The following C12orf54 variants were observed in gnomAD, a reference collection of about 807,000 sequenced individuals.
C12orf54 encodes chromosome 12 open reading frame 54, also known as uncharacterized protein C12orf54.
In C12orf54, 24 loss-of-function variants were observed where a neutral mutation model predicts 26.4. That is an observed-to-expected ratio of 0.91 (90% CI 0.66 to 1.28). C12orf54 has a LOEUF of 1.28. Ranked by LOEUF, C12orf54 falls within the 50% of genes most tolerant of loss-of-function variation. C12orf54 has a pLI of 0.00. For missense variants in C12orf54, 154 were observed against 150.9 expected, an observed-to-expected ratio of 1.02 and a Z score of -0.11; for synonymous variants, 54 against 47.0, an observed-to-expected ratio of 1.15 and a Z score of -0.61.
At chr12:48,463,275 A>T in the C12orf54 span, among the ~76,000 whole-genome samples, 3 of 152,150 alleles carry the variant, frequency 2.0e-5, no homozygotes, top group East Asian at 5.8e-4. Flanking sequence ...ATAAATAACC[A>T]TCAGAGATTA....
the C12orf54 span, chr12:48,473,172 AAGG>A: frequency 1.6e-5 from 24 of 1,480,656 alleles, no homozygotes; most frequent in Non-Finnish European, 1.9e-5. Context: ...CCTGGATGAC[AAGG>A]AGGAGGATGA....
upstream of C12orf54, among the ~76,000 whole-genome samples, chr12:48,479,243 T>C (rs1954174575): frequency 6.6e-6 from 1 of 152,174 alleles, no homozygotes; most frequent in South Asian, 2.1e-4. Flanking sequence ...ACCATCATTC[T>C]CAGCAAACTA....
chr12:48,428,664 A>G, the C12orf54 span, among the ~76,000 whole-genome samples: 2 of 152,070 alleles, frequency 1.3e-5, no homozygotes, highest in African/African-American at 4.8e-5. Flanking sequence ...CAGTGAGATT[A>G]AAATGGCAAT....
At chr12:48,469,809 C>T in the C12orf54 span, among the ~76,000 whole-genome samples, 1 of 152,118 alleles carries the variant, frequency 6.6e-6, no homozygotes. Flanking sequence ...TGGTTTCAGC[C>T]AGTCCCTCTG....
At position 48,493,071 on chromosome 12, in the gene C12orf54, G is replaced by A. The variant is rs1937827185; in HGVS notation, c.242+76G>A. 3.0e-6 allele frequency: 4 copies of A among 1,354,470 alleles called. No individual in the cohort carries two copies. The East Asian group carries it at 9.2e-5, about 31-fold the overall frequency. 83.9% of individuals were successfully genotyped at this position (1,354,470 alleles called of 1,614,324 possible). A position where few individuals can be genotyped will look rare whatever the true frequency, so the allele number is the denominator to read the frequency against. On this transcript the variant is annotated intron_variant, in intron 7 of 8. Coordinates refer to ENST00000548364, the MANE Select transcript of C12orf54 (RefSeq NM_152319.4). ...TATGGGTGTGCTGGCCATGAATATA[G>A]CTAGCTCTGAGCCTTGAGCCTTCAG...
the C12orf54 span, among the ~76,000 whole-genome samples, chr12:48,423,443 T>C: frequency 6.6e-6 from 1 of 152,026 alleles, no homozygotes; most frequent in African/African-American, 2.4e-5. Context: ...GAAGATTAAG[T>C]ATAGGCAAAC....
the C12orf54 span, among the ~76,000 whole-genome samples, chr12:48,440,636 T>C: frequency 2.6e-5 from 4 of 152,190 alleles, no homozygotes; most frequent in Admixed American, 1.3e-4. Context: ...GAATCATCTC[T>C]GGTTATACAT....
At chr12:48,467,736 A>T in the C12orf54 span, among the ~76,000 whole-genome samples, 1 of 152,148 alleles carries the variant, frequency 6.6e-6, no homozygotes, top group Non-Finnish European at 1.5e-5. Flanking sequence ...GTTTCTGTTG[A>T]TAATTTCATG....
At chr12:48,491,820 A>G (rs773097185) in intron 6 of C12orf54, among the ~76,000 whole-genome samples, 9 of 152,190 alleles carry the variant, frequency 5.9e-5, no homozygotes, top group Non-Finnish European at 1.0e-4. Context: ...GGGGCTTTTC[A>G]AACTTTTGCT....
At chr12:48,434,336 G>A in the C12orf54 span, among the ~76,000 whole-genome samples, 1 of 152,206 alleles carries the variant, frequency 6.6e-6, no homozygotes, top group African/African-American at 2.4e-5. Flanking sequence ...ACCTCTGGGG[G>A]CAGGGCACAG....
chr12:48,426,035 G>C, the C12orf54 span, among the ~76,000 whole-genome samples: 17 of 150,796 alleles, frequency 1.1e-4, no homozygotes, highest in African/African-American at 4.1e-4. Context: ...TCTGTAGGTT[G>C]TCTGTTTACT....
chr12:48,442,744 A>T, the C12orf54 span: 1 of 159,834 alleles, frequency 6.3e-6, no homozygotes, highest in Non-Finnish European at 1.4e-5. Flanking sequence ...AATGGCAGAG[A>T]TCCAAGAAGG....
the C12orf54 span, chr12:48,442,563 G>A: frequency 6.3e-6 from 1 of 158,244 alleles, no homozygotes. Flanking sequence ...TGGCCATAGA[G>A]CAAAGGAGAG....
intron 6 of C12orf54, among the ~76,000 whole-genome samples, chr12:48,492,189 CG>C (rs1565573021): frequency 6.6e-6 from 1 of 152,148 alleles, no homozygotes. Flanking sequence ...CGCAGCAAAA[CG>C]GAGTTCGTTA....
the C12orf54 span, among the ~76,000 whole-genome samples, chr12:48,437,109 A>G: frequency 6.6e-6 from 1 of 152,236 alleles, no homozygotes; most frequent in Non-Finnish European, 1.5e-5. Flanking sequence ...ACCATAAGAG[A>G]GTGCTATAAA....
At chr12:48,418,137 T>C in the C12orf54 span, among the ~76,000 whole-genome samples, 3 of 152,228 alleles carry the variant, frequency 2.0e-5, no homozygotes, top group Admixed American at 2.0e-4. Flanking sequence ...GGGAATTCCA[T>C]AATGATCCAG....
the C12orf54 span, chr12:48,472,628 C>T: frequency 3.0e-5 from 49 of 1,611,078 alleles, no homozygotes; most frequent in African/African-American, 1.3e-4. Flanking sequence ...GGTTGAATTC[C>T]GCTGGCTCAG....
At chr12:48,428,964 C>T in the C12orf54 span, among the ~76,000 whole-genome samples, 2 of 152,206 alleles carry the variant, frequency 1.3e-5, no homozygotes, top group East Asian at 3.9e-4. Flanking sequence ...AAAGATAATC[C>T]ACTATGATCA....
chr12:48,478,446 C>G (rs144547189), upstream of C12orf54, among the ~76,000 whole-genome samples: 13 of 152,132 alleles, frequency 8.5e-5, no homozygotes, highest in African/African-American at 2.4e-4. Flanking sequence ...TAGGAAAAGA[C>G]GAAGTCAAAT....
Sources: allele counts gnomAD v4.1 joint callset (sites outside exome capture counted in the v4.1 genomes callset), GRCh38; gene constraint gnomAD v4.1.1; transcripts MANE v1.5; gene names NCBI Gene and HGNC (gene_info 2026-07-23, HGNC 2026-07-21).